The following ZNF624 variants were observed in gnomAD, a reference collection of about 807,000 sequenced individuals.
ZNF624 encodes the protein zinc finger protein 624.
ZNF624 carries 43 observed loss-of-function variants against 74.7 expected under a neutral mutation model. That is an observed-to-expected ratio of 0.58 (90% CI 0.45 to 0.74). The LOEUF (loss-of-function observed/expected upper bound fraction) is 0.74. Among genes scored for constraint, ZNF624 ranks in the 30% least tolerant of loss-of-function variants. ZNF624 has a pLI of 0.00. For missense variants in ZNF624, 820 were observed against 1,030.0 expected (o/e 0.80, Z 2.79); for synonymous variants, 331 against 341.3 (o/e 0.97, Z 0.33).
chr17:16,634,580 AC>A, intron 4 of ZNF624, 49 bp downstream of exon 4: 1 of 1,574,916 alleles, frequency 6.3e-7, no homozygotes, highest in Non-Finnish European at 8.6e-7. Flanking sequence ...TCTTTGGCAA[AC>A]CTGGTCAAAT....
intron 3 of ZNF624, among the ~76,000 whole-genome samples, chr17:16,645,945 C>CA (rs35486112): frequency 0.31 from 17,127 of 55,688 alleles, 2,984 homozygotes; most frequent in Non-Finnish European, 0.32. Context: ...GACTCCATCT[C>CA]AAAAAAAAAA....
Position 16,633,958 on chromosome 17 carries a change from C to T in ZNF624, c.281-1G>A. ...ATGTCTGGTTTGGAAACTGCAAGCC[C>T]TGTCCAGAGAAAAATAAATAGGATT... On this transcript the variant is annotated splice_acceptor_variant, in intron 4 of 5. Transcript: ENST00000311331. LOFTEE classifies it high-confidence loss of function. 1.2e-6 allele frequency: 2 copies of T among 1,611,990 alleles called. No homozygotes were observed. The highest frequency in any genetic ancestry group is 4.5e-5 in the East Asian group (2 of 44,852).
downstream of ZNF624, chr17:16,616,995 C>T: frequency 6.2e-7 from 1 of 1,605,966 alleles, no homozygotes; most frequent in South Asian, 1.1e-5. Context: ...GGGACTGGCT[C>T]CTTGATCTGG....
chr17:16,620,336 A>G (rs964838637), downstream of ZNF624, among the ~76,000 whole-genome samples: 3 of 152,052 alleles, frequency 2.0e-5, no homozygotes, highest in Admixed American at 6.5e-5. Flanking sequence ...GTTATTGGCT[A>G]TTTTCTCTCT....
intron 5 of ZNF624, among the ~76,000 whole-genome samples, chr17:16,627,606 G>A (rs1341533266): frequency 1.3e-5 from 2 of 152,174 alleles, no homozygotes; most frequent in Non-Finnish European, 2.9e-5. Flanking sequence ...ATGACTGAGA[G>A]GCTGAATAAG....
chr17:16,622,505 T>C lies in ZNF624; in HGVS notation c.2381A>G (p.Gln794Arg). The change falls in exon 6 of 6, where the codon CAG becomes CGG. Residue 794 changes from glutamine to arginine, a missense_variant. Gln to Arg is a conservative substitution (Grantham distance 43). Coordinates refer to ENST00000311331, the MANE Select transcript of ZNF624 (RefSeq NM_020787.4). ...ECGKGCITLS[Q>R]LTLHQRIHTG... The stretch of plus-strand genomic sequence containing the variant: ...ATGAATTCTCTGATGTAGGGTTAGC[T>C]GTGATAGAGTAATACAACCCTTTCC... The C allele has an allele frequency of 6.2e-7, 1 of 1,613,952 alleles. No individual in the cohort carries two copies. Among genetic ancestry groups the C allele is most frequent in the South Asian group, 1.1e-5 (1 of 91,070 alleles).
At chr17:16,635,198 C>A (rs780112593) in intron 3 of ZNF624, among the ~76,000 whole-genome samples, 1 of 152,032 alleles carries the variant, frequency 6.6e-6, no homozygotes, top group Non-Finnish European at 1.5e-5. Context: ...CTATGACTTA[C>A]TAAAAGATAC....
downstream of ZNF624, chr17:16,617,704 G>A: frequency 1.2e-6 from 2 of 1,604,472 alleles, no homozygotes. Flanking sequence ...TCGCCGCAGA[G>A]CTCCTCGCTG....
chr17:16,631,308 C>T (rs1210914003), intron 5 of ZNF624: 1 of 151,954 alleles, frequency 6.6e-6, no homozygotes, highest in African/African-American at 2.4e-5. Flanking sequence ...GATCTAAGTA[C>T]CTAATTCAAG....
At chr17:16,649,846 G>A in intron 1 of ZNF624, 100 bp from the exon 2 acceptor site, 1 of 869,832 alleles carries the variant, frequency 1.1e-6, no homozygotes, top group Non-Finnish European at 1.9e-6. Context: ...ACCTCCCTAA[G>A]GAAGCACAAG....
At chr17:16,645,879 G>A (rs535424339) in intron 3 of ZNF624, among the ~76,000 whole-genome samples, 1 of 144,974 alleles carries the variant, frequency 6.9e-6, no homozygotes, top group Non-Finnish European at 1.5e-5. Context: ...TTGTACCCGG[G>A]AGGCAGAGGT....
Position 16,621,976 on chromosome 17 carries a change from TAAGAA to T in ZNF624, c.*307_*311del, listed in dbSNP as rs762213801. ...TATATAAAAAGCACCTCCAGGTTTA[TAAGAA>T]AAGACAGATAAATGAATAGAAAAAT... is the stretch of plus-strand genomic sequence containing the variant. On this transcript the variant is annotated 3_prime_UTR_variant, in exon 6 of 6. Transcript: ENST00000311331. 11 of 178,928 alleles carry T rather than the reference TAAGAA, an allele frequency of 6.1e-5. No individual in the cohort carries two copies. The highest frequency in any genetic ancestry group is 1.5e-4 in the East Asian group (1 of 6,870). 11.1% of individuals were successfully genotyped at this position (178,928 alleles called of 1,614,324 possible).
intron 5 of ZNF624, among the ~76,000 whole-genome samples, chr17:16,627,737 A>G (rs1482365655): frequency 6.6e-6 from 1 of 152,226 alleles, no homozygotes. Context: ...TAAGCCCTAC[A>G]AATAGAACGA....
At chr17:16,629,638 C>A (rs1021884633) in intron 5 of ZNF624, among the ~76,000 whole-genome samples, 1 of 152,180 alleles carries the variant, frequency 6.6e-6, no homozygotes, top group Non-Finnish European at 1.5e-5. Flanking sequence ...GCAATCTCAG[C>A]TCATTGCAAC....
At chr17:16,629,382 G>A (rs922056375) in intron 5 of ZNF624, among the ~76,000 whole-genome samples, 18 of 150,742 alleles carry the variant, frequency 1.2e-4, no homozygotes, top group Admixed American at 1.1e-3. Flanking sequence ...GGTCTTGAAC[G>A]CCTGACCCCA....
At chr17:16,652,933 C>T (rs1411569579) in intron 1 of ZNF624, among the ~76,000 whole-genome samples, 1 of 152,200 alleles carries the variant, frequency 6.6e-6, no homozygotes, top group Non-Finnish European at 1.5e-5. Context: ...CTACTGTCCC[C>T]TTTGTCATTA....
intron 3 of ZNF624, among the ~76,000 whole-genome samples, chr17:16,639,986 T>C (rs1909428889): frequency 6.6e-6 from 1 of 152,202 alleles, no homozygotes; most frequent in African/African-American, 2.4e-5. Context: ...CAAGACATTG[T>C]ACTTATTAAA....
intron 3 of ZNF624, among the ~76,000 whole-genome samples, chr17:16,641,328 G>A (rs1403570726): frequency 6.6e-6 from 1 of 151,852 alleles, no homozygotes; most frequent in Non-Finnish European, 1.5e-5. Context: ...CATCGCCCAG[G>A]CTGGAGTACA....
intron 3 of ZNF624, among the ~76,000 whole-genome samples, chr17:16,640,231 G>T (rs1909435500): frequency 6.6e-6 from 1 of 152,070 alleles, no homozygotes; most frequent in East Asian, 1.9e-4. Context: ...AAGGGGCAAA[G>T]AGATAATTCA....
Sources: allele counts gnomAD v4.1 joint callset (sites outside exome capture counted in the v4.1 genomes callset), GRCh38; gene constraint gnomAD v4.1.1; transcripts MANE v1.5; gene names NCBI Gene and HGNC (gene_info 2026-07-23, HGNC 2026-07-21).